The following PXDNL variants were observed in gnomAD, a reference collection of about 807,000 sequenced individuals.
The protein encoded by PXDNL is probable oxidoreductase PXDNL.
Under a neutral mutation model 150.8 loss-of-function variants are expected in PXDNL, and 145 were observed. The ratio of observed to expected loss-of-function variants is 0.96; its 90% CI spans 0.84 to 1.10. The LOEUF (loss-of-function observed/expected upper bound fraction) is 1.10, where lower values mean the gene tolerates loss of function less well. PXDNL is among the 50% of genes least tolerant of loss of function. PXDNL has a pLI of 0.00. For synonymous variants in PXDNL, 757 were observed against 725.7 expected (o/e 1.04, Z -0.69); for missense variants, 2,087 against 1,873.9 (o/e 1.11, Z -2.10).
chr8:51,653,770 A>G (rs1233590579), intron 2 of PXDNL, among the ~76,000 whole-genome samples: 1 of 151,926 alleles, frequency 6.6e-6, no homozygotes, highest in East Asian at 1.9e-4. Flanking sequence ...TGGTGAGTTC[A>G]GCCAAGTTGA....
intron 4 of PXDNL, among the ~76,000 whole-genome samples, chr8:51,518,842 T>C (rs182583174): frequency 6.6e-6 from 1 of 152,080 alleles, no homozygotes; most frequent in Non-Finnish European, 1.5e-5. Context: ...GAAATGATGG[T>C]AGCAGAAAAA....
At chr8:51,356,520 GT>G (rs1401042536) in intron 19 of PXDNL, among the ~76,000 whole-genome samples, 1 of 148,924 alleles carries the variant, frequency 6.7e-6, no homozygotes, top group Non-Finnish European at 1.5e-5. Flanking sequence ...AAGAAAATCC[GT>G]ACCTAAGATA....
intron 1 of PXDNL, among the ~76,000 whole-genome samples, chr8:51,696,833 A>ATC: frequency 6.7e-6 from 1 of 149,610 alleles, no homozygotes; most frequent in East Asian, 2.0e-4. Context: ...ACACACACAC[A>ATC]CACACAGGTC....
intron 21 of PXDNL, among the ~76,000 whole-genome samples, chr8:51,323,988 A>T (rs1326444394): frequency 6.6e-6 from 1 of 152,110 alleles, no homozygotes; most frequent in Non-Finnish European, 1.5e-5. Context: ...TAGTATAAGA[A>T]ATACAGTGCG....
chr8:51,514,411 T>C (rs1811491044), intron 4 of PXDNL, among the ~76,000 whole-genome samples: 2 of 152,234 alleles, frequency 1.3e-5, no homozygotes, highest in South Asian at 2.1e-4. Flanking sequence ...GGTTGCTATA[T>C]ACGGAACCAT....
chr8:51,748,013 G>A (rs2037005482), intron 1 of PXDNL, among the ~76,000 whole-genome samples: 1 of 152,160 alleles, frequency 6.6e-6, no homozygotes, highest in African/African-American at 2.4e-5. Context: ...ACCTCTATAA[G>A]TATCTGAGTG....
At chr8:51,529,691 G>A (rs1323149058) in intron 4 of PXDNL, among the ~76,000 whole-genome samples, 1 of 152,064 alleles carries the variant, frequency 6.6e-6, no homozygotes, top group Non-Finnish European at 1.5e-5. Context: ...CTTCTACTGT[G>A]AACTCCAGAT....
chr8:51,761,450 G>A (rs13274159), intron 1 of PXDNL, among the ~76,000 whole-genome samples: 1 of 151,980 alleles, frequency 6.6e-6, no homozygotes, highest in Non-Finnish European at 1.5e-5. Context: ...CTCATATCCA[G>A]TGCTCAATAA....
At chr8:51,410,591 T>A (rs1808602536) in intron 16 of PXDNL, among the ~76,000 whole-genome samples, 1 of 152,042 alleles carries the variant, frequency 6.6e-6, no homozygotes, top group Admixed American at 6.5e-5. Context: ...TAAAGGAGAA[T>A]AAAGAAAGGG....
chr8:51,674,033 G>T (rs1046091798), intron 1 of PXDNL, among the ~76,000 whole-genome samples: 1 of 152,172 alleles, frequency 6.6e-6, no homozygotes, highest in African/African-American at 2.4e-5. Context: ...GGCCCTACAT[G>T]TATTTTCTTG....
intron 8 of PXDNL, among the ~76,000 whole-genome samples, chr8:51,461,439 A>G (rs1380761126): frequency 3.9e-5 from 6 of 152,218 alleles, no homozygotes; most frequent in African/African-American, 1.4e-4. Flanking sequence ...CAGATGGAGT[A>G]AGCTAGAGGG....
intron 12 of PXDNL, chr8:51,436,242 T>C (rs974908077): frequency 9.7e-6 from 5 of 516,778 alleles, no homozygotes; most frequent in African/African-American, 5.8e-5. Flanking sequence ...TTTTGGATAA[T>C]AGGATATGGT....
chr8:51,712,297 A>G (rs1245110138), intron 1 of PXDNL, among the ~76,000 whole-genome samples: 1 of 152,216 alleles, frequency 6.6e-6, no homozygotes, highest in Non-Finnish European at 1.5e-5. Context: ...TTTATCTAAA[A>G]AAAACTACCT....
At chr8:51,385,217 C>T (rs1343501107) in intron 17 of PXDNL, among the ~76,000 whole-genome samples, 3 of 151,988 alleles carry the variant, frequency 2.0e-5, no homozygotes, top group South Asian at 2.1e-4. Flanking sequence ...GGGCCTGAGA[C>T]ATATTCCCCT....
intron 2 of PXDNL, among the ~76,000 whole-genome samples, chr8:51,630,772 C>A (rs751174336): frequency 6.7e-5 from 10 of 150,150 alleles, no homozygotes; most frequent in African/African-American, 9.7e-5. Context: ...ATCTAAGAGT[C>A]AAAAATAACA....
At chr8:51,723,000 A>G (rs1816758735) in intron 1 of PXDNL, among the ~76,000 whole-genome samples, 1 of 152,002 alleles carries the variant, frequency 6.6e-6, no homozygotes, top group East Asian at 1.9e-4. Context: ...CTCAGGTAGA[A>G]CAGCTGAGAT....
intron 1 of PXDNL, among the ~76,000 whole-genome samples, chr8:51,701,313 C>T (rs1162751566): frequency 3.3e-5 from 5 of 152,102 alleles, no homozygotes; most frequent in Non-Finnish European, 5.9e-5. Context: ...GAGTCACTGG[C>T]CTCCTTCACC....
intron 1 of PXDNL, among the ~76,000 whole-genome samples, chr8:51,794,823 A>G (rs948148858): frequency 7.2e-5 from 11 of 152,216 alleles, no homozygotes; most frequent in African/African-American, 1.2e-4. Flanking sequence ...TTAATCTTAA[A>G]TGTAAATGGA....
intron 12 of PXDNL, among the ~76,000 whole-genome samples, chr8:51,434,049 T>G (rs1276614979): frequency 6.6e-6 from 1 of 152,234 alleles, no homozygotes; most frequent in African/African-American, 2.4e-5. Flanking sequence ...GAAGATAATC[T>G]TTAGCCCTCA....
Sources: gnomAD v4.1 joint callset for allele counts (sites outside exome capture counted in the v4.1 genomes callset) on GRCh38, gnomAD v4.1.1 for gene constraint, MANE v1.5 for transcripts, NCBI Gene and HGNC (gene_info 2026-07-23, HGNC 2026-07-21) for gene names.